The following BARHL1 variants were observed in gnomAD, a reference collection of about 807,000 sequenced individuals.
The protein encoded by BARHL1 is BarH like homeobox 1.
BARHL1 carries 2 observed loss-of-function variants against 20.1 expected under a neutral mutation model. That is an observed-to-expected ratio of 0.10 (90% CI 0.04 to 0.31). The LOEUF (loss-of-function observed/expected upper bound fraction) is 0.31, where lower values mean the gene tolerates loss of function less well. BARHL1 is among the 10% of genes least tolerant of loss of function. BARHL1 has a pLI of 1.00. For missense variants in BARHL1, 397 were observed against 454.0 expected (o/e 0.87, Z 1.14); for synonymous variants, 213 against 209.9 (o/e 1.01, Z -0.13).
At chr9:132,585,722 A>C (rs1028156472) in intron 1 of BARHL1, among the ~76,000 whole-genome samples, 4 of 152,194 alleles carry the variant, frequency 2.6e-5, no homozygotes, top group African/African-American at 9.7e-5. Context: ...CTGCATTCAA[A>C]GGCTCCAGTC....
rs1373624200 is a variant in BARHL1 at position 132,583,266 on chromosome 9, A to G, written c.466+3A>G. ...CTCATCGGACTCTGAGTATAAAGGT[A>G]AGAAAGCAGGAGGTGAAAACTTGGG... On this transcript the variant is annotated splice_donor_region_variant and intron_variant, in intron 1 of 2. Transcript: ENST00000263610. 10 of 1,597,916 alleles carry G rather than the reference A, an allele frequency of 6.3e-6. No individual in the cohort carries two copies. Among genetic ancestry groups the G allele is most frequent in the African/African-American group, 1.3e-5 (1 of 74,254 alleles).
Position 132,587,574 on chromosome 9 carries a change from G to C in BARHL1, c.689+23G>C. ...CAGGTGAGGCCTGGCTGCGGGGGTA[G>C]AGGCAGAAAGGGAACTTCCCCTTTC... On this transcript the variant is annotated intron_variant, in intron 2 of 2. Transcript: ENST00000263610. The surrounding 1 kb of genome is among the most constrained non-coding windows in gnomAD (Gnocchi z 5.5). 1.3e-6 allele frequency: 2 copies of C among 1,584,540 alleles called. No homozygotes were observed. The highest frequency in any genetic ancestry group is 1.7e-6 in the Non-Finnish European group (2 of 1,164,172).
At position 132,582,618 on chromosome 9, in the gene BARHL1, A is replaced by G; in HGVS notation, c.-180A>G. On this transcript the variant is annotated 5_prime_UTR_variant, in exon 1 of 3. The change abolishes an upstream ATG in the 5' untranslated region. Transcript: ENST00000263610. ...GACGCACTGAGCCCTTTTGGATCTA[A>G]TGCGCAGAGGAGGTTGGCCCAGAGC... The G allele has an allele frequency of 1.7e-6, 1 of 590,012 alleles. No homozygotes were observed. Among genetic ancestry groups the G allele is most frequent in the Non-Finnish European group, 3.0e-6 (1 of 335,404 alleles). 36.5% of individuals were successfully genotyped at this position (590,012 alleles called of 1,614,324 possible). A position where few individuals can be genotyped will look rare whatever the true frequency, so the allele number is the denominator to read the frequency against.
At chr9:132,588,124 T>G (rs1830163092) in intron 2 of BARHL1, among the ~76,000 whole-genome samples, 1 of 152,144 alleles carries the variant, frequency 6.6e-6, no homozygotes, top group Non-Finnish European at 1.5e-5. Flanking sequence ...GACTGGGAAG[T>G]GGGTGTTGGG....
chr9:132,585,015 T>C (rs543964067), intron 1 of BARHL1, among the ~76,000 whole-genome samples: 1 of 152,382 alleles, frequency 6.6e-6, no homozygotes, highest in African/African-American at 2.4e-5. Flanking sequence ...CTGGAGATAG[T>C]GAGGCCCTTG....
intron 2 of BARHL1, 127 bp from the exon 3 acceptor site, chr9:132,589,101 T>C (rs950507897): frequency 5.5e-6 from 8 of 1,443,492 alleles, no homozygotes; most frequent in Non-Finnish European, 7.3e-6. Context: ...CTCGGTTATT[T>C]ATTAACAAAT....
rs778119916 is a variant in BARHL1 at position 132,589,484 on chromosome 9, C to A, written c.946C>A (p.Leu316Met). The change falls in exon 3 of 3, where the codon CTG becomes ATG. Residue 316 changes from leucine to methionine, a missense_variant. By Grantham distance (15) the Leu-to-Met change is conservative (BLOSUM62 2). Transcript: ENST00000263610. The part of the protein sequence containing the change: ...ASEPPPPLPP[L>M]AGVLPRAAQP... Reference sequence around the variant, plus strand: ...CGAGCCGCCCCCGCCGCTGCCCCCCCTGGCCGGCGTCCTCCCACGCGCCGC... The same window carrying A: ...CGAGCCGCCCCCGCCGCTGCCCCCCATGGCCGGCGTCCTCCCACGCGCCGC... 81 of 1,479,192 alleles carry A rather than the reference C, an allele frequency of 5.5e-5. No homozygotes were observed. The East Asian group carries it at 1.7e-3, about 32-fold the overall frequency. 91.6% of individuals were successfully genotyped at this position (1,479,192 alleles called of 1,614,324 possible).
At position 132,582,681 on chromosome 9, in the gene BARHL1, C is replaced by T. The variant is rs1394203258; in HGVS notation, c.-117C>T. The T allele has an allele frequency of 1.4e-5, 13 of 948,488 alleles. No homozygotes were observed. The highest frequency in any genetic ancestry group is 3.4e-4 in the Middle Eastern group (1 of 2,910). The allele number at this position is 948,488 out of a possible 1,614,324, so 58.8% of individuals were successfully genotyped here. On this transcript the variant is annotated 5_prime_UTR_variant, in exon 1 of 3. Coordinates refer to ENST00000263610, the MANE Select transcript of BARHL1 (RefSeq NM_020064.4). ...CCAAGGCTGAACTCCGTCCAAGGTG[C>T]CCGCAGGCTCCCTGCCCGCCTTCCC...
chr9:132,587,212 G>C lies in BARHL1; in HGVS notation c.467-117G>C. 2 of 997,124 alleles carry C rather than the reference G, an allele frequency of 2.0e-6. No individual in the cohort carries two copies. The highest frequency in any genetic ancestry group is 1.6e-5 in the South Asian group (1 of 63,932). The allele number at this position is 997,124 out of a possible 1,614,324, so 61.8% of individuals were successfully genotyped here. A position where few individuals can be genotyped will look rare whatever the true frequency, so the allele number is the denominator to read the frequency against. Reference sequence around the variant, plus strand: ...GTCTGAGAGCGGCCCCCGCGAGCTTGGGTGTCGCGGAACCACCGCTGTCGG... The same window carrying C: ...GTCTGAGAGCGGCCCCCGCGAGCTTCGGTGTCGCGGAACCACCGCTGTCGG... On this transcript the variant is annotated intron_variant, in intron 1 of 2. Coordinates refer to ENST00000263610, the MANE Select transcript of BARHL1 (RefSeq NM_020064.4). The surrounding 1 kb of genome is among the most constrained non-coding windows in gnomAD (Gnocchi z 5.5).
At position 132,583,607 on chromosome 9, in the gene BARHL1, T is replaced by G. The variant is rs563585954; in HGVS notation, c.466+344T>G. On this transcript the variant is annotated intron_variant, in intron 1 of 2. Transcript: ENST00000263610. ...GGTCCCAATCAGGCCAGTGGCTCTC[T>G]AGGAAGAAACCGTGCAGAAGCAATG... Among the ~76,000 whole-genome samples the G allele has an allele frequency of 2.0e-5, 3 of 152,336 alleles. No individual in the cohort carries two copies. The South Asian group carries it at 6.2e-4, about 32-fold the overall frequency.
chr9:132,585,989 T>C (rs1830139911), intron 1 of BARHL1, among the ~76,000 whole-genome samples: 1 of 152,218 alleles, frequency 6.6e-6, no homozygotes, highest in Admixed American at 6.5e-5. Context: ...TTCCAACACA[T>C]ATCCTTCTCC....
intron 2 of BARHL1, 91 bp from the exon 3 acceptor site, chr9:132,589,137 A>G (rs1564261647): frequency 1.3e-6 from 2 of 1,510,890 alleles, no homozygotes; most frequent in African/African-American, 2.8e-5. Context: ...TGGCCTCCCT[A>G]CAGGCTCTCT....
At chr9:132,584,781 CA>C (rs1830120326) in intron 1 of BARHL1, among the ~76,000 whole-genome samples, 1 of 152,190 alleles carries the variant, frequency 6.6e-6, no homozygotes, top group Non-Finnish European at 1.5e-5. Context: ...GGCCCGGGCC[CA>C]GTGGTCCTTG....
At chr9:132,588,016 C>G (rs1295711675) in intron 2 of BARHL1, among the ~76,000 whole-genome samples, 1 of 152,202 alleles carries the variant, frequency 6.6e-6, no homozygotes, top group Admixed American at 6.5e-5. Flanking sequence ...CCGCAGGGGC[C>G]TCAGAGTTTC....
intron 1 of BARHL1, among the ~76,000 whole-genome samples, chr9:132,583,874 G>T (rs532729318): frequency 6.6e-6 from 1 of 152,316 alleles, no homozygotes; most frequent in Admixed American, 6.5e-5. Flanking sequence ...GGGGGCTAGT[G>T]CAGAGGGCAG....
chr9:132,586,049 T>G (rs1356265083), intron 1 of BARHL1, among the ~76,000 whole-genome samples: 1 of 152,236 alleles, frequency 6.6e-6, no homozygotes, highest in African/African-American at 2.4e-5. Flanking sequence ...GGTGCCAGCC[T>G]GGAGGAGGCA....
Position 132,587,644 on chromosome 9 carries a change from A to C in BARHL1, c.689+93A>C. Reference sequence around the variant, plus strand: ...ACCAGGAGTCTACAGGTTGGTGCTAAGGGAGGGCCCCAGAGCCTCCCCCAT... The same window carrying C: ...ACCAGGAGTCTACAGGTTGGTGCTACGGGAGGGCCCCAGAGCCTCCCCCAT... On this transcript the variant is annotated intron_variant, in intron 2 of 2. Transcript: ENST00000263610. This position sits in a 1 kb window ranked among gnomAD's most constrained non-coding sequence, Gnocchi z 5.5. 8.0e-7 allele frequency: 1 copy of C among 1,257,442 alleles called. No individual in the cohort carries two copies. The allele number at this position is 1,257,442 out of a possible 1,614,324, so 77.9% of individuals were successfully genotyped here. A position where few individuals can be genotyped will look rare whatever the true frequency, so the allele number is the denominator to read the frequency against.
rs1235831242 is a variant in BARHL1 at position 132,582,873 on chromosome 9, G to A, written c.76G>A (p.Asp26Asn). 2 of 1,612,900 alleles carry A rather than the reference G, an allele frequency of 1.2e-6. No individual in the cohort carries two copies. The change falls in exon 1 of 3, where the codon GAC (aspartate) becomes AAC (asparagine). Residue 26 changes from aspartate (D) to asparagine (N), a missense_variant. Physicochemically the swap from Asp to Asn is conservative, Grantham distance 23. Around this residue, in one of 3 missense-constraint regions of BARHL1, gnomAD observed 272 missense variants for 298.7 expected, o/e 0.91. Coordinates refer to ENST00000263610, the MANE Select transcript of BARHL1 (RefSeq NM_020064.4). ...GGGCAGCCCCGCCCTTCCCAAGGGG[G>A]ACCCCTTGCTCGGGGACTGCCGTTC... The part of the protein sequence containing the change: ...RAGSPALPKG[D>N]PLLGDCRSPL...
In BARHL1 at chr9:132,583,124, G is replaced by A. The variant is rs1589936886; in HGVS notation, c.327G>A (p.Ala109=). 36 of 1,613,652 alleles carry A rather than the reference G, an allele frequency of 2.2e-5. No homozygotes were observed. The highest frequency in any genetic ancestry group is 3.0e-5 in the Non-Finnish European group (35 of 1,179,974). ...RDILADCKPL[A]ACAPYSSSGQ... ...TCCTTGCCGACTGCAAACCACTCGC[G>A]GCCTGTGCACCCTACTCTAGCAGCG... is the stretch of plus-strand genomic sequence containing the variant. Residue 109 remains alanine (A), a synonymous_variant, in exon 1 of 3, where the codon GCG becomes GCA. Transcript: ENST00000263610.
Sources: gnomAD v4.1 joint callset for allele counts (sites outside exome capture counted in the v4.1 genomes callset) on GRCh38, gnomAD v4.1.1 for gene constraint, gnomAD v4.1.1 regional missense constraint, Gnocchi (gnomAD v3.1) non-coding constraint, MANE v1.5 for transcripts, NCBI Gene and HGNC (gene_info 2026-07-23, HGNC 2026-07-21) for gene names.